Variants in PANK4 observed in about 807,000 individuals in gnomAD.
PANK4 encodes 4'-phosphopantetheine phosphatase.
A neutral mutation model predicts 87.9 loss-of-function variants in PANK4; 40 were observed. The observed-to-expected ratio is 0.46, with a 90% confidence interval of 0.35 to 0.59. The LOEUF is 0.59. Ranked by LOEUF, PANK4 falls within the 20% of genes least tolerant of loss-of-function variation. The pLI is 0.00. For missense variants in PANK4, 926 were observed against 1,072.3 expected, an observed-to-expected ratio of 0.86 and a Z score of 1.90; for synonymous variants, 524 against 467.4, an observed-to-expected ratio of 1.12 and a Z score of -1.56.
At position 2,509,995 on chromosome 1, in the gene PANK4, A is replaced by G; in HGVS notation, c.2039+62T>C. ...AGTTCAGTGACAATCCCCATGGCCC[A>G]CTCTGCCCAGCTGGTGCCCCTCCCC... On this transcript the variant is annotated intron_variant, in intron 17 of 18. Coordinates refer to ENST00000378466, the MANE Select transcript of PANK4 (RefSeq NM_018216.4). The surrounding 1 kb of genome is among the most constrained non-coding windows in gnomAD (Gnocchi z 4.9). 3 of 1,578,552 alleles carry G rather than the reference A, an allele frequency of 1.9e-6. No individual in the cohort carries two copies. The highest frequency in any genetic ancestry group is 2.6e-6 in the Non-Finnish European group (3 of 1,156,404).
At position 2,509,824 on chromosome 1, in the gene PANK4, C is replaced by G; in HGVS notation, c.2108+38G>C. ...GGTGCACGGCACAGAGGGCACAGAG[C>G]CCAGGAGGGAGAGAACAGGTGCAGG... On this transcript the variant is annotated intron_variant, in intron 18 of 18. Coordinates refer to ENST00000378466, the MANE Select transcript of PANK4 (RefSeq NM_018216.4). This position sits in a 1 kb window ranked among gnomAD's most constrained non-coding sequence, Gnocchi z 4.9. 1.9e-6 allele frequency: 3 copies of G among 1,583,464 alleles called. No homozygotes were observed. Among genetic ancestry groups the G allele is most frequent in the Non-Finnish European group, 1.7e-6 (2 of 1,156,534 alleles).
In PANK4 at chr1:2,519,259, C is replaced by T; in HGVS notation, c.919G>A (p.Ala307Thr). 2.5e-6 allele frequency: 4 copies of T among 1,612,382 alleles called. No homozygotes were observed. The highest frequency in any genetic ancestry group is 3.4e-6 in the Non-Finnish European group (4 of 1,179,632). Reference sequence around the variant, plus strand: ...CTGTGCAGCCGTGCGTGGAGGCAGGCCAGCTGCCCAATGTCGTTGCTGATC... The same window carrying T: ...CTGTGCAGCCGTGCGTGGAGGCAGGTCAGCTGCCCAATGTCGTTGCTGATC... ...HMISNDIGQL[A>T]CLHARLHSLD... The change falls in exon 7 of 19, where the codon GCC (alanine) becomes ACC (threonine). Residue 307 changes from alanine to threonine, a missense_variant. Physicochemically the swap from Ala to Thr is moderately conservative, Grantham distance 58. Coordinates refer to ENST00000378466, the MANE Select transcript of PANK4 (RefSeq NM_018216.4). This position sits in a 1 kb window ranked among gnomAD's most constrained non-coding sequence, Gnocchi z 8.3.
intron 13 of PANK4, chr1:2,512,617 A>G (rs1165816520): frequency 4.3e-6 from 2 of 461,368 alleles, no homozygotes; most frequent in East Asian, 7.0e-5. Context: ...GCCAGCCCCG[A>G]TTTTCAAATC....
intron 9 of PANK4, among the ~76,000 whole-genome samples, chr1:2,516,193 G>C (rs575315249): frequency 1.8e-4 from 27 of 152,258 alleles, no homozygotes; most frequent in Non-Finnish European, 3.5e-4. Context: ...TTGGGGTTCT[G>C]TCCTCACTAA....
At chr1:2,525,386 C>A (rs1174153036) in intron 1 of PANK4, among the ~76,000 whole-genome samples, 1 of 152,032 alleles carries the variant, frequency 6.6e-6, no homozygotes, top group East Asian at 1.9e-4. Flanking sequence ...GTGGGATTCA[C>A]ACACAAGCAG....
intron 7 of PANK4, among the ~76,000 whole-genome samples, 156 bp downstream of exon 7, chr1:2,518,987 G>A (rs1211515458): frequency 6.6e-6 from 1 of 152,216 alleles, no homozygotes; most frequent in Non-Finnish European, 1.5e-5. Context: ...CAAAATGTAG[G>A]CTGCCCAGAA....
In PANK4 at chr1:2,519,371, C is replaced by T. The variant is rs1303643591; in HGVS notation, c.854-47G>A. On this transcript the variant is annotated intron_variant, in intron 6 of 18. Coordinates refer to ENST00000378466, the MANE Select transcript of PANK4 (RefSeq NM_018216.4). This position sits in a 1 kb window ranked among gnomAD's most constrained non-coding sequence, Gnocchi z 8.3. ...CACTCATCTCCAAGTACAGCAAGTG[C>T]ACGACATGAGAGCGAGCAGGAGGGG... 7 of 1,433,388 alleles carry T rather than the reference C, an allele frequency of 4.9e-6. No individual in the cohort carries two copies. Among genetic ancestry groups the T allele is most frequent in the Admixed American group, 3.8e-5 (2 of 52,444 alleles). 88.8% of individuals were successfully genotyped at this position (1,433,388 alleles called of 1,614,324 possible).
At chr1:2,525,117 A>G (rs1465457940) in intron 1 of PANK4, among the ~76,000 whole-genome samples, 1 of 152,116 alleles carries the variant, frequency 6.6e-6, no homozygotes. Context: ...ACTTCCCTAG[A>G]GGACACCCTT....
At chr1:2,524,701 T>C (rs1643905479) in intron 1 of PANK4, among the ~76,000 whole-genome samples, 2 of 152,232 alleles carry the variant, frequency 1.3e-5, no homozygotes, top group Non-Finnish European at 2.9e-5. Context: ...TGAGCCCTGT[T>C]CTCCTGGCCA....
Position 2,510,867 on chromosome 1 carries a change from C to T in PANK4, c.1834-85G>A. 1.2e-6 allele frequency: 1 copy of T among 818,806 alleles called. No individual in the cohort carries two copies. Among genetic ancestry groups the T allele is most frequent in the South Asian group, 1.4e-5 (1 of 71,484 alleles). 50.7% of individuals were successfully genotyped at this position (818,806 alleles called of 1,614,324 possible). On this transcript the variant is annotated intron_variant, in intron 15 of 18. Coordinates refer to ENST00000378466, the MANE Select transcript of PANK4 (RefSeq NM_018216.4). The surrounding 1 kb of genome is among the most constrained non-coding windows in gnomAD (Gnocchi z 4.9). ...CACCCCTGCTGCCCGTCACGCTGCCCTGCAGGGGCCGAGACTGGGGGCTTC... is the reference window on the plus strand; with the variant it reads ...CACCCCTGCTGCCCGTCACGCTGCCTTGCAGGGGCCGAGACTGGGGGCTTC...
chr1:2,518,100 G>A, intron 9 of PANK4, 64 bp downstream of exon 9: 3 of 987,836 alleles, frequency 3.0e-6, no homozygotes, highest in Non-Finnish European at 4.5e-6. Context: ...CTCAGGGACA[G>A]GCGAGGTGAG....
chr1:2,518,483 A>C, intron 8 of PANK4, 33 bp downstream of exon 8: 2 of 1,525,998 alleles, frequency 1.3e-6, no homozygotes, highest in Non-Finnish European at 1.8e-6. Context: ...CTGAGGCCCC[A>C]CGCTGCTCAG....
chr1:2,515,418 G>T lies in PANK4; in HGVS notation c.1374+144C>A, dbSNP rs528083314. 284 of 918,166 alleles carry T rather than the reference G, an allele frequency of 3.1e-4. 2 individuals carry two copies. In the African/African-American group the frequency reaches 4.0e-3, roughly 13 times the overall value. 56.9% of individuals were successfully genotyped at this position (918,166 alleles called of 1,614,324 possible). A position where few individuals can be genotyped will look rare whatever the true frequency, so the allele number is the denominator to read the frequency against. On this transcript the variant is annotated intron_variant, in intron 10 of 18. Coordinates refer to ENST00000378466, the MANE Select transcript of PANK4 (RefSeq NM_018216.4). The surrounding 1 kb of genome is among the most constrained non-coding windows in gnomAD (Gnocchi z 5.0). ...TATTTTTGCCTGAGAAACCAAAATC[G>T]CCCCCTCACTCAGACGCAGATCAAG...
chr1:2,520,195 G>T lies in PANK4; in HGVS notation c.699+127C>A. On this transcript the variant is annotated intron_variant, in intron 5 of 18. Coordinates refer to ENST00000378466, the MANE Select transcript of PANK4 (RefSeq NM_018216.4). The surrounding 1 kb of genome is among the most constrained non-coding windows in gnomAD (Gnocchi z 6.2). ...AAAGAGTGAAGCCGCAGAGGCCAGA[G>T]ACCCACTGACGCGAGTCAGGAGGGA... The T allele has an allele frequency of 1.1e-6, 1 of 890,456 alleles. No individual in the cohort carries two copies. The allele number at this position is 890,456 out of a possible 1,614,324, so 55.2% of individuals were successfully genotyped here.
Position 2,510,898 on chromosome 1 carries a change from C to T in PANK4, c.1834-116G>A. 1.5e-6 allele frequency: 1 copy of T among 674,210 alleles called. No homozygotes were observed. 41.8% of individuals were successfully genotyped at this position (674,210 alleles called of 1,614,324 possible). A position where few individuals can be genotyped will look rare whatever the true frequency, so the allele number is the denominator to read the frequency against. On this transcript the variant is annotated intron_variant, in intron 15 of 18. Coordinates refer to ENST00000378466, the MANE Select transcript of PANK4 (RefSeq NM_018216.4). The surrounding 1 kb of genome is among the most constrained non-coding windows in gnomAD (Gnocchi z 4.9). ...GGGCCGAGACTGGGGGCTTCAGGGCCCCAGAGATGCCAGGGATGGGCTGTC... is the reference window on the plus strand; with the variant it reads ...GGGCCGAGACTGGGGGCTTCAGGGCTCCAGAGATGCCAGGGATGGGCTGTC...
Position 2,509,747 on chromosome 1 carries a change from A to G in PANK4, c.2108+115T>C. On this transcript the variant is annotated intron_variant, in intron 18 of 18. Transcript: ENST00000378466. This position sits in a 1 kb window ranked among gnomAD's most constrained non-coding sequence, Gnocchi z 4.9. ...AGATCAATCCGGGCCTGGGGTCAGGAGAGGCCGCAGGGGCAGTCCTGAGGT... is the reference window on the plus strand; with the variant it reads ...AGATCAATCCGGGCCTGGGGTCAGGGGAGGCCGCAGGGGCAGTCCTGAGGT... 1 of 875,498 alleles carries G rather than the reference A, an allele frequency of 1.1e-6. No homozygotes were observed. The highest frequency in any genetic ancestry group is 1.5e-5 in the South Asian group (1 of 68,450). The allele number at this position is 875,498 out of a possible 1,614,324, so 54.2% of individuals were successfully genotyped here.
rs751782392 is a variant in PANK4 at position 2,520,284 on chromosome 1, C to T, written c.699+38G>A. The T allele has an allele frequency of 5.7e-6, 9 of 1,577,988 alleles. 1 individual carries two copies. The highest frequency in any genetic ancestry group is 2.2e-5 in the South Asian group (2 of 90,362). On this transcript the variant is annotated intron_variant, in intron 5 of 18. Coordinates refer to ENST00000378466, the MANE Select transcript of PANK4 (RefSeq NM_018216.4). The surrounding 1 kb of genome is among the most constrained non-coding windows in gnomAD (Gnocchi z 6.2). ...TTCGGGGGAAGGAAGCAGACATCTC[C>T]GCAGACCCCTGGAAGGTCTCTGGCA...
intron 1 of PANK4, among the ~76,000 whole-genome samples, chr1:2,522,887 T>C (rs1357259618): frequency 2.2e-5 from 2 of 90,996 alleles, no homozygotes; most frequent in Non-Finnish European, 4.3e-5. Flanking sequence ...GCACTGTGTG[T>C]GCTATAGTGA....
Position 2,512,736 on chromosome 1 carries a change from T to G in PANK4, c.1727+152A>C, listed in dbSNP as rs962935277. 8.2e-6 allele frequency: 6 copies of G among 732,750 alleles called. No individual in the cohort carries two copies. The South Asian group carries it at 1.0e-4, about 12-fold the overall frequency. 45.4% of individuals were successfully genotyped at this position (732,750 alleles called of 1,614,324 possible). ...TGCCCAGCCCCTGGCGCTGCTGCCA[T>G]GTGCACTCCCTGGGCCCCAAAGCCC... On this transcript the variant is annotated intron_variant, in intron 13 of 18. Coordinates refer to ENST00000378466, the MANE Select transcript of PANK4 (RefSeq NM_018216.4).
Sources: gnomAD v4.1 joint callset for allele counts (sites outside exome capture counted in the v4.1 genomes callset) on GRCh38, gnomAD v4.1.1 for gene constraint, Gnocchi (gnomAD v3.1) non-coding constraint, MANE v1.5 for transcripts, NCBI Gene and HGNC (gene_info 2026-07-23, HGNC 2026-07-21) for gene names.